Variants in NSD3 observed in about 807,000 individuals in gnomAD.
The protein encoded by NSD3 is nuclear receptor binding SET domain protein 3, also known as histone-lysine N-methyltransferase NSD3.
NSD3 carries 24 observed loss-of-function variants against 160.8 expected under a neutral mutation model. The observed-to-expected ratio is 0.15, with a 90% CI of 0.11 to 0.21. The LOEUF (loss-of-function observed/expected upper bound fraction) is 0.21. NSD3 is among the 10% of genes least tolerant of loss of function. NSD3 has a pLI of 1.00. For missense variants in NSD3, 1,157 were observed against 1,735.9 expected, an observed-to-expected ratio of 0.67 and a Z score of 5.93; for synonymous variants, 520 against 600.0, an observed-to-expected ratio of 0.87 and a Z score of 1.95.
chr8:38,317,089 C>T lies in NSD3; in HGVS notation c.1856-1047G>A. 9.4e-7 allele frequency: 1 copy of T among 1,061,522 alleles called. No homozygotes were observed. Among genetic ancestry groups the T allele is most frequent in the Non-Finnish European group, 1.1e-6 (1 of 876,940 alleles). 65.8% of individuals were successfully genotyped at this position (1,061,522 alleles called of 1,614,324 possible). On this transcript the variant is annotated intron_variant, in intron 9 of 23. Coordinates refer to ENST00000317025, the MANE Select transcript of NSD3 (RefSeq NM_023034.2). The surrounding 1 kb of genome is among the most constrained non-coding windows in gnomAD (Gnocchi z 5.3). ...GTGGAAGTGTGCAGTCCAGAAGAGCCCATGGAGAAACAAGTCTCCTGAGGC... is the reference window on the plus strand; with the variant it reads ...GTGGAAGTGTGCAGTCCAGAAGAGCTCATGGAGAAACAAGTCTCCTGAGGC...
At chr8:38,381,746 G>GCA (rs58263746) in intron 1 of NSD3, 53 bp downstream of exon 1, 5,612 of 144,814 alleles carry the variant, frequency 0.039, 100 homozygotes, top group African/African-American at 0.061. Context: ...GCGCGCGCGC[G>GCA]CACACACACA....
In NSD3 at chr8:38,270,091, A is replaced by AATTAT. The variant is rs1201413683; in HGVS notation, c.*5549_*5550insATAAT. 6.6e-6 allele frequency: 1 copy of AATTAT among 152,236 alleles called. No individual in the cohort carries two copies. Among genetic ancestry groups the AATTAT allele is most frequent in the African/African-American group, 2.4e-5 (1 of 41,448 alleles). The allele number at this position is 152,236 out of a possible 1,614,324, so 9.4% of individuals were successfully genotyped here. On this transcript the variant is annotated 3_prime_UTR_variant, in exon 24 of 24. Coordinates refer to ENST00000317025, the MANE Select transcript of NSD3 (RefSeq NM_023034.2). ...ATGTGGCAACATCAAGTCATTATAC[A>AATTAT]GTAATGCCCTAGTGGAACACCCCCA...
At position 38,338,583 on chromosome 8, in the gene NSD3, C is replaced by G. The variant is rs1252061407; in HGVS notation, c.700G>C (p.Val234Leu). ...GGTTCTTCCCTTGGTTTTTCTGATACAGTGTCAACCCTCTCATTTGGTCTC... is the reference window on the plus strand; with the variant it reads ...GGTTCTTCCCTTGGTTTTTCTGATAGAGTGTCAACCCTCTCATTTGGTCTC... The part of the protein sequence containing the change: ...QNRPNERVDT[V>L]SEKPREEPVL... The change falls in exon 3 of 24, where the codon GTA (valine) becomes CTA (leucine). Residue 234 changes from valine (V) to leucine (L), a missense_variant. Coordinates refer to ENST00000317025, the MANE Select transcript of NSD3 (RefSeq NM_023034.2). 7 of 1,613,716 alleles carry G rather than the reference C, an allele frequency of 4.3e-6. No homozygotes were observed. In the African/African-American group the frequency reaches 8.0e-5, roughly 18 times the overall value.
rs181572488 is a variant in NSD3, at chr8:38,376,484, G to A, written c.-45+5315C>T. 9.3e-5 allele frequency among the ~76,000 whole-genome samples: 14 copies of A among 151,044 alleles called. No individual in the cohort carries two copies. In the East Asian group the frequency reaches 2.5e-3, roughly 27 times the overall value. On this transcript the variant is annotated intron_variant, in intron 1 of 23. Transcript: ENST00000317025. ...AAGTTTTGCTTTTATTGCCCAGGCT[G>A]GAGTGCAATGGCGCGACCTCAGCTC...
At chr8:38,299,625 T>C (rs770247821) in intron 14 of NSD3, 35 bp from the exon 15 acceptor site, 1 of 1,489,664 alleles carries the variant, frequency 6.7e-7, no homozygotes, top group Non-Finnish European at 8.9e-7. Context: ...TGAGCTGCAA[T>C]GAAACTACCC....
chr8:38,373,934 CAAAAAAAAAAAAAA>C (rs61532119), intron 1 of NSD3, among the ~76,000 whole-genome samples: 1 of 25,138 alleles, frequency 4.0e-5, no homozygotes, highest in Admixed American at 4.4e-4. Flanking sequence ...TCTGTCTCTA[CAAAAAAAAAAAAAA>C]AAAAAAAAAA....
At chr8:38,360,326 C>T (rs1223755724) in intron 1 of NSD3, among the ~76,000 whole-genome samples, 1 of 152,112 alleles carries the variant, frequency 6.6e-6, no homozygotes, top group Non-Finnish European at 1.5e-5. Context: ...TATACTTGGA[C>T]TTCTCAGATT....
rs114744793 is a variant in NSD3 at position 38,380,167 on chromosome 8, G to A, written c.-45+1632C>T. Among the ~76,000 whole-genome samples, 766 of 152,338 alleles carry A rather than the reference G, an allele frequency of 5.0e-3. 7 individuals carry two copies. Among genetic ancestry groups the A allele is most frequent in the African/African-American group, 0.018 (744 of 41,574 alleles). ...GCCAGCTACATGAAGGCAAAGAGAA[G>A]AGATGGGGAAAAGAGAGTTTATTTA... On this transcript the variant is annotated intron_variant, in intron 1 of 23. Coordinates refer to ENST00000317025, the MANE Select transcript of NSD3 (RefSeq NM_023034.2).
rs765614663 is a variant in NSD3 at position 38,278,455 on chromosome 8, G to A, written c.3761-43C>T. 26 of 1,526,926 alleles carry A rather than the reference G, an allele frequency of 1.7e-5. No individual in the cohort carries two copies. In the African/African-American group the frequency reaches 3.3e-4, roughly 19 times the overall value. The allele number at this position is 1,526,926 out of a possible 1,614,324, so 94.6% of individuals were successfully genotyped here. A position where few individuals can be genotyped will look rare whatever the true frequency, so the allele number is the denominator to read the frequency against. ...TAATTATTCAAACTCGAGTCATGGGGAAGAGAAAAGCTCTCACAGGCACAC... is the reference window on the plus strand; with the variant it reads ...TAATTATTCAAACTCGAGTCATGGGAAAGAGAAAAGCTCTCACAGGCACAC... On this transcript the variant is annotated intron_variant, in intron 21 of 23. Transcript: ENST00000317025.
intron 1 of NSD3, among the ~76,000 whole-genome samples, chr8:38,350,600 T>C (rs1054789338): frequency 6.6e-6 from 1 of 152,226 alleles, no homozygotes; most frequent in African/African-American, 2.4e-5. Context: ...GTGGTATATA[T>C]AGCAGAAGCA....
chr8:38,327,911 T>C (rs958794102), intron 6 of NSD3, among the ~76,000 whole-genome samples: 3 of 152,204 alleles, frequency 2.0e-5, no homozygotes, highest in African/African-American at 7.2e-5. Flanking sequence ...AACATATATG[T>C]ATTTTTTTGG....
intron 1 of NSD3, among the ~76,000 whole-genome samples, chr8:38,378,472 TCTA>T (rs1811455311): frequency 6.6e-6 from 1 of 152,140 alleles, no homozygotes; most frequent in African/African-American, 2.4e-5. Context: ...AAACCCTGTC[TCTA>T]CTAAAAAATA....
intron 1 of NSD3, among the ~76,000 whole-genome samples, chr8:38,376,494 G>T: frequency 6.6e-6 from 1 of 151,028 alleles, no homozygotes; most frequent in South Asian, 2.1e-4. Context: ...GGAGTGCAAT[G>T]GCGCGACCTC....
rs189500929 is a variant in NSD3, at chr8:38,291,159, C to A, written c.2916-482G>T. The stretch of plus-strand genomic sequence containing the variant: ...GCATTTAGTCTCGAGTCAACCTGGG[C>A]AAACACCTCTTGGTCAAATGTACTA... On this transcript the variant is annotated intron_variant, in intron 16 of 23. Coordinates refer to ENST00000317025, the MANE Select transcript of NSD3 (RefSeq NM_023034.2). Among the ~76,000 whole-genome samples the A allele has an allele frequency of 2.6e-5, 4 of 152,328 alleles. No homozygotes were observed. In the East Asian group the frequency reaches 7.7e-4, roughly 29 times the overall value.
At chr8:38,367,834 CATAG>C (rs1247306988) in intron 1 of NSD3, among the ~76,000 whole-genome samples, 1 of 152,226 alleles carries the variant, frequency 6.6e-6, no homozygotes, top group East Asian at 1.9e-4. Context: ...CAGTTAGTGA[CATAG>C]ATAGGATTTT....
chr8:38,351,168 G>A (rs540822005), intron 1 of NSD3, among the ~76,000 whole-genome samples: 3 of 148,660 alleles, frequency 2.0e-5, no homozygotes, highest in East Asian at 2.1e-4. Context: ...TAGTAGAGAC[G>A]GGGTTTCACC....
rs1418809551 is a variant in NSD3 at position 38,314,668 on chromosome 8, T to C, written c.2221A>G (p.Ile741Val). The C allele has an allele frequency of 1.2e-6, 2 of 1,614,076 alleles. No homozygotes were observed. The highest frequency in any genetic ancestry group is 2.7e-5 in the African/African-American group (2 of 74,928). ...TTACCAGTTTTACATTCCATGCAGA[T>C]GAACTTGCTATCAGGAAGTGATGCC... is the stretch of plus-strand genomic sequence containing the variant. ...GLASLPDSKFICMECKTGQHP... is the reference protein window; with the variant it reads ...GLASLPDSKFVCMECKTGQHP... Residue 741 changes from isoleucine to valine, a missense_variant, in exon 12 of 24, where the codon ATC (isoleucine) becomes GTC (valine). Ile to Val is a conservative substitution (Grantham distance 29). Around this residue, in one of 10 missense-constraint regions of NSD3, gnomAD observed 437 missense variants for 576.6 expected, o/e 0.76. Transcript: ENST00000317025.
chr8:38,311,104 G>GTTTTTTTTTT, intron 12 of NSD3, among the ~76,000 whole-genome samples: 1 of 140,278 alleles, frequency 7.1e-6, no homozygotes. Flanking sequence ...AATAGAGACA[G>GTTTTTTTTTT]GGTTTCACCA....
At chr8:38,332,759 GT>G (rs1170259299) in intron 4 of NSD3, among the ~76,000 whole-genome samples, 2 of 151,620 alleles carry the variant, frequency 1.3e-5, no homozygotes, top group African/African-American at 4.9e-5. Context: ...ATTAAGTTTG[GT>G]TGTATTTTAC....
Sources: allele counts gnomAD v4.1 joint callset (sites outside exome capture counted in the v4.1 genomes callset), GRCh38; gene constraint gnomAD v4.1.1; regional missense constraint gnomAD v4.1.1; non-coding constraint Gnocchi (gnomAD v3.1); transcripts MANE v1.5; gene names NCBI Gene and HGNC (gene_info 2026-07-23, HGNC 2026-07-21).